Variants in RYR1 observed in about 807,000 individuals in gnomAD.
RYR1 encodes the protein ryanodine receptor 1.
A neutral mutation model predicts 583.5 loss-of-function variants in RYR1; 342 were observed. The ratio of observed to expected loss-of-function variants is 0.59; its 90% CI spans 0.54 to 0.64. The LOEUF is 0.64. RYR1 is among the 30% of genes least tolerant of loss of function. The pLI is 0.00. For synonymous variants in RYR1, 2,791 were observed against 2,822.5 expected, an observed-to-expected ratio of 0.99 and a Z score of 0.35; for missense variants, 6,032 against 6,917.2, an observed-to-expected ratio of 0.87 and a Z score of 4.54.
intron 93 of RYR1, among the ~76,000 whole-genome samples, chr19:38,569,143 T>G (rs1973591881): frequency 6.6e-6 from 1 of 152,060 alleles, no homozygotes; most frequent in Non-Finnish European, 1.5e-5. Context: ...CCCGAGTAGC[T>G]AGGACTACAG....
intron 87 of RYR1, among the ~76,000 whole-genome samples, chr19:38,545,284 G>A (rs953863844): frequency 1.3e-5 from 2 of 152,186 alleles, no homozygotes; most frequent in African/African-American, 4.8e-5. Context: ...TGTAAAGAGA[G>A]GAGGGGGACT....
intron 96 of RYR1, among the ~76,000 whole-genome samples, 163 bp from the exon 97 acceptor site, chr19:38,575,756 T>C (rs1030258168): frequency 3.9e-5 from 6 of 151,986 alleles, no homozygotes; most frequent in East Asian, 1.9e-4. Context: ...TGAGCAGATA[T>C]CACACCACTG....
chr19:38,562,333 TC>T (rs1973184482), intron 90 of RYR1, among the ~76,000 whole-genome samples: 1 of 151,994 alleles, frequency 6.6e-6, no homozygotes, highest in Admixed American at 6.6e-5. Flanking sequence ...TCCCGGCATG[TC>T]CCCAGCAGAG....
chr19:38,455,889 A>T (rs966883226), intron 16 of RYR1, 138 bp downstream of exon 16: 1 of 700,166 alleles, frequency 1.4e-6, no homozygotes, highest in South Asian at 1.5e-5. Flanking sequence ...ACTGGCTTTC[A>T]TCTCCACACA....
chr19:38,437,248 A>G (rs541328155), intron 1 of RYR1, among the ~76,000 whole-genome samples: 2 of 151,902 alleles, frequency 1.3e-5, no homozygotes, highest in African/African-American at 4.8e-5. Flanking sequence ...ATGGGGTTTC[A>G]CCATGTTGGC....
chr19:38,465,719 G>A (rs894323048), intron 23 of RYR1, among the ~76,000 whole-genome samples: 4 of 152,032 alleles, frequency 2.6e-5, no homozygotes, highest in African/African-American at 4.8e-5. Context: ...AGCCGAGATC[G>A]TGCCATTGCA....
At position 38,566,959 on chromosome 19, in the gene RYR1, G is replaced by T. The variant is rs753595868; in HGVS notation, c.13486G>T (p.Glu4496Ter). ...CCCGCCAGAGCCAGAGCCCGAGCCG[G>T]AACCAGAGCTGGAGCCGGAGAAAGC... ...ELPPEPEPEP[E>*]PELEPEKADA... is the part of the protein sequence containing the mutation. Residue 4496 changes from glutamate (E) to a stop codon, truncating the protein, a stop_gained, in exon 92 of 106, where the codon GAA (glutamate) becomes TAA (stop). Transcript: ENST00000359596. LOFTEE classifies it high-confidence loss of function. 6.2e-7 allele frequency: 1 copy of T among 1,605,032 alleles called. No homozygotes were observed. Among genetic ancestry groups the T allele is most frequent in the Non-Finnish European group, 8.5e-7 (1 of 1,175,938 alleles).
At chr19:38,452,459 C>A in intron 12 of RYR1, among the ~76,000 whole-genome samples, 1 of 151,956 alleles carries the variant, frequency 6.6e-6, no homozygotes, top group East Asian at 1.9e-4. Flanking sequence ...TACACATGAC[C>A]CCTAACCTCT....
chr19:38,502,759 G>GGGCAGA lies in RYR1; in HGVS notation c.7835+37_7835+38insAGGCAG, dbSNP rs772442592. On this transcript the variant is annotated intron_variant, in intron 48 of 105. Coordinates refer to ENST00000359596, the MANE Select transcript of RYR1 (RefSeq NM_000540.3). ...CGGGGCAGGCTTCAGGGTGGGGCAG[G>GGGCAGA]GGCAGGGGCAGGGGCAGGGGCAGGG... The GGGCAGA allele has an allele frequency of 5.4e-4, 316 of 586,620 alleles. 6 individuals are homozygous for GGGCAGA. Among genetic ancestry groups the GGGCAGA allele is most frequent in the Middle Eastern group, 2.3e-3 (5 of 2,186 alleles). 36.3% of individuals were successfully genotyped at this position (586,620 alleles called of 1,614,324 possible).
intron 3 of RYR1, 49 bp downstream of exon 3, chr19:38,442,502 G>A: frequency 7.0e-7 from 1 of 1,429,274 alleles, no homozygotes; most frequent in Non-Finnish European, 9.9e-7. Flanking sequence ...TGGGCGAGAG[G>A]ACCCAGGGGT....
intron 53 of RYR1, among the ~76,000 whole-genome samples, 155 bp from the exon 54 acceptor site, chr19:38,505,651 T>G (rs1446415011): frequency 1.3e-5 from 2 of 152,014 alleles, no homozygotes; most frequent in Non-Finnish European, 2.9e-5. Context: ...AGATTGGGTT[T>G]GGGAGGCTCT....
intron 69 of RYR1, 156 bp downstream of exon 69, chr19:38,523,465 C>T: frequency 1.3e-6 from 1 of 745,850 alleles, no homozygotes; most frequent in Non-Finnish European, 2.3e-6. Context: ...CTCTCCCTTC[C>T]TCCCCAGCTC....
chr19:38,533,824 A>G (rs1052183581), intron 78 of RYR1, among the ~76,000 whole-genome samples: 2 of 151,792 alleles, frequency 1.3e-5, no homozygotes, highest in Admixed American at 6.6e-5. Context: ...TCCAACAGCT[A>G]CTATAATTGA....
intron 78 of RYR1, among the ~76,000 whole-genome samples, chr19:38,534,262 C>T (rs994091869): frequency 2.0e-5 from 3 of 152,068 alleles, no homozygotes; most frequent in Admixed American, 6.6e-5. Flanking sequence ...CTCCCTGCCT[C>T]GGCCTCCCAA....
chr19:38,573,118 G>T (rs1262632945), intron 95 of RYR1, 59 bp from the exon 96 acceptor site: 2 of 1,609,558 alleles, frequency 1.2e-6, no homozygotes, highest in African/African-American at 1.3e-5. Context: ...GGCTTCTGCT[G>T]AGACTATGGT....
At chr19:38,533,165 A>G (rs554565213) in intron 78 of RYR1, among the ~76,000 whole-genome samples, 1 of 152,292 alleles carries the variant, frequency 6.6e-6, no homozygotes, top group South Asian at 2.1e-4. Flanking sequence ...GAGCAGAAGG[A>G]TAAAAGGAGC....
chr19:38,530,430 A>ATT (rs142263877), intron 76 of RYR1, among the ~76,000 whole-genome samples: 3 of 128,686 alleles, frequency 2.3e-5, no homozygotes, highest in Non-Finnish European at 1.6e-5. Flanking sequence ...ATGCCTGGCT[A>ATT]TTTTTTTTTT....
intron 97 of RYR1, among the ~76,000 whole-genome samples, chr19:38,577,528 G>T (rs1041842006): frequency 2.6e-5 from 4 of 152,104 alleles, no homozygotes; most frequent in Non-Finnish European, 4.4e-5. Flanking sequence ...TGGGCACGGT[G>T]GCTCACGCCT....
At chr19:38,466,501 CTTTTTTTTT>C in intron 24 of RYR1, 103 bp downstream of exon 24, 1 of 641,856 alleles carries the variant, frequency 1.6e-6, no homozygotes, top group Non-Finnish European at 2.5e-6. Flanking sequence ...TGGGCTATAT[CTTTTTTTTT>C]TTTTTTTTTT....
Sources: allele counts gnomAD v4.1 joint callset (sites outside exome capture counted in the v4.1 genomes callset), GRCh38; gene constraint gnomAD v4.1.1; transcripts MANE v1.5; gene names NCBI Gene and HGNC (gene_info 2026-07-23, HGNC 2026-07-21).